ARHGAP15: variants seen among roughly 807,000 people sequenced by gnomAD.
The protein encoded by ARHGAP15 is Rho GTPase activating protein 15, also known as rho GTPase-activating protein 15.
ARHGAP15 carries 51 observed loss-of-function variants against 63.7 expected under a neutral mutation model. That is an observed-to-expected ratio of 0.80 (90% CI 0.64 to 1.01). The LOEUF (loss-of-function observed/expected upper bound fraction) is 1.01. Ranked by LOEUF, ARHGAP15 falls within the 50% of genes least tolerant of loss-of-function variation. ARHGAP15 has a pLI of 0.00. For synonymous variants in ARHGAP15, 191 were observed against 193.8 expected (o/e 0.99, Z 0.12); for missense variants, 560 against 564.6 (o/e 0.99, Z 0.08).
At chr2:143,380,966 T>C (rs930913460) in intron 6 of ARHGAP15, among the ~76,000 whole-genome samples, 3 of 152,172 alleles carry the variant, frequency 2.0e-5, no homozygotes, top group African/African-American at 7.2e-5. Context: ...GACCCTGGAC[T>C]GTTAGTTAAG....
At chr2:143,165,482 C>T (rs1167458134) in intron 2 of ARHGAP15, among the ~76,000 whole-genome samples, 1 of 152,026 alleles carries the variant, frequency 6.6e-6, no homozygotes, top group Non-Finnish European at 1.5e-5. Flanking sequence ...TATAGGAAGA[C>T]AGGAAAACAA....
At chr2:143,299,704 C>T (rs987058751) in intron 6 of ARHGAP15, among the ~76,000 whole-genome samples, 1 of 151,828 alleles carries the variant, frequency 6.6e-6, no homozygotes, top group Non-Finnish European at 1.5e-5. Context: ...AATAAACACT[C>T]ACAGTCCTTA....
intron 2 of ARHGAP15, among the ~76,000 whole-genome samples, chr2:143,186,312 A>G (rs1691445984): frequency 1.3e-5 from 2 of 152,142 alleles, no homozygotes; most frequent in Non-Finnish European, 1.5e-5. Flanking sequence ...TTTAAAGGTT[A>G]TTCTGTTAAA....
intron 2 of ARHGAP15, among the ~76,000 whole-genome samples, chr2:143,169,478 G>T (rs1690682737): frequency 6.6e-6 from 1 of 152,082 alleles, no homozygotes; most frequent in South Asian, 2.1e-4. Flanking sequence ...TCTCCTTTCA[G>T]TATAACTTTT....
At chr2:143,269,973 C>T (rs1681190045) in intron 6 of ARHGAP15, among the ~76,000 whole-genome samples, 1 of 151,802 alleles carries the variant, frequency 6.6e-6, no homozygotes, top group South Asian at 2.1e-4. Context: ...ATCTGTGTTA[C>T]TTTTTTTTGT....
chr2:143,621,275 G>A (rs1427367816), intron 11 of ARHGAP15, among the ~76,000 whole-genome samples: 1 of 152,140 alleles, frequency 6.6e-6, no homozygotes, highest in Admixed American at 6.5e-5. Context: ...TTAGAAAAGG[G>A]AAAAGTATAA....
rs367707355 is a variant in ARHGAP15, at chr2:143,627,112, C to G, written c.1138+2845C>G. ...ATTAAATGGGCTGTCAACTTGGTCT[C>G]ATACTTCCAAGACTCCAGAACAGTG... On this transcript the variant is annotated intron_variant, in intron 12 of 13. Coordinates refer to ENST00000295095, the MANE Select transcript of ARHGAP15 (RefSeq NM_018460.4). 4.6e-5 allele frequency among the ~76,000 whole-genome samples: 7 copies of G among 152,272 alleles called. No homozygotes were observed. In the East Asian group the frequency reaches 1.4e-3, roughly 29 times the overall value.
intron 13 of ARHGAP15, among the ~76,000 whole-genome samples, chr2:143,721,690 CTTT>C (rs890798975): frequency 6.8e-6 from 1 of 146,260 alleles, no homozygotes; most frequent in Non-Finnish European, 1.5e-5. Context: ...CCTTTTTAAA[CTTT>C]TTTTTTTTTT....
At chr2:143,528,289 C>T (rs1426233803) in intron 10 of ARHGAP15, among the ~76,000 whole-genome samples, 1 of 151,974 alleles carries the variant, frequency 6.6e-6, no homozygotes, top group Non-Finnish European at 1.5e-5. Flanking sequence ...CAAGTTAAGC[C>T]CCACATCTTT....
chr2:143,502,886 G>A (rs1255045854), intron 9 of ARHGAP15, among the ~76,000 whole-genome samples: 1 of 152,164 alleles, frequency 6.6e-6, no homozygotes, highest in African/African-American at 2.4e-5. Flanking sequence ...GCCCCTGTGT[G>A]TGGATTCTTT....
intron 8 of ARHGAP15, among the ~76,000 whole-genome samples, chr2:143,442,537 T>C (rs903771266): frequency 2.0e-5 from 3 of 152,112 alleles, no homozygotes; most frequent in Admixed American, 2.0e-4. Context: ...AGGGAGGGAA[T>C]TTAAAGCCTC....
At chr2:143,549,980 G>A (rs1695485420) in intron 10 of ARHGAP15, among the ~76,000 whole-genome samples, 1 of 151,956 alleles carries the variant, frequency 6.6e-6, no homozygotes, top group South Asian at 2.1e-4. Context: ...CAATCATAAG[G>A]GTAATCCAAT....
intron 11 of ARHGAP15, among the ~76,000 whole-genome samples, chr2:143,594,585 T>C (rs1697441463): frequency 1.3e-5 from 2 of 152,162 alleles, no homozygotes; most frequent in Admixed American, 6.6e-5. Flanking sequence ...GGTCTTATAA[T>C]TGATCAGCTT....
At chr2:143,703,928 C>T (rs1051519509) in intron 13 of ARHGAP15, 1 of 152,938 alleles carries the variant, frequency 6.5e-6, no homozygotes, top group African/African-American at 2.4e-5. Context: ...CCCTCTGCAA[C>T]CAATTTCCTC....
intron 6 of ARHGAP15, among the ~76,000 whole-genome samples, chr2:143,430,223 G>A (rs1689326828): frequency 6.7e-6 from 1 of 148,570 alleles, no homozygotes; most frequent in Non-Finnish European, 1.5e-5. Context: ...TTAACATCTA[G>A]CAACATTGGG....
At position 143,435,713 on chromosome 2, in the gene ARHGAP15, T is replaced by C; in HGVS notation, c.573+14T>C. The C allele has an allele frequency of 1.2e-6, 2 of 1,601,280 alleles. No homozygotes were observed. Among genetic ancestry groups the C allele is most frequent in the Non-Finnish European group, 1.7e-6 (2 of 1,176,096 alleles). On this transcript the variant is annotated intron_variant, in intron 7 of 13. Coordinates refer to ENST00000295095, the MANE Select transcript of ARHGAP15 (RefSeq NM_018460.4). ...ATTGACAGATTGGTATGTATTTGTT[T>C]TGGCTGTTACCTTTATTAATTAAAA...
At chr2:143,424,289 A>G (rs886996345) in intron 6 of ARHGAP15, among the ~76,000 whole-genome samples, 1 of 152,108 alleles carries the variant, frequency 6.6e-6, no homozygotes, top group African/African-American at 2.4e-5. Context: ...TAACTATACC[A>G]TCTGTCATTA....
At chr2:143,443,688 T>C (rs1690002106) in intron 8 of ARHGAP15, among the ~76,000 whole-genome samples, 1 of 152,120 alleles carries the variant, frequency 6.6e-6, no homozygotes, top group African/African-American at 2.4e-5. Context: ...ATTTATGTTG[T>C]TAAAGCTGCA....
chr2:143,751,164 G>A (rs184389314), intron 13 of ARHGAP15, among the ~76,000 whole-genome samples: 30 of 152,316 alleles, frequency 2.0e-4, no homozygotes, highest in Admixed American at 1.7e-3. Context: ...ACATTGGGCC[G>A]GACAAAGCCT....
Sources: allele counts gnomAD v4.1 joint callset (sites outside exome capture counted in the v4.1 genomes callset), GRCh38; gene constraint gnomAD v4.1.1; transcripts MANE v1.5; gene names NCBI Gene and HGNC (gene_info 2026-07-23, HGNC 2026-07-21).